CEP85L: variants seen among roughly 807,000 people sequenced by gnomAD.
CEP85L encodes centrosomal protein 85L.
A neutral mutation model predicts 100.3 loss-of-function variants in CEP85L; 60 were observed. The ratio of observed to expected loss-of-function variants is 0.60; its 90% CI spans 0.49 to 0.74. CEP85L has a LOEUF of 0.74. CEP85L is among the 30% of genes least tolerant of loss of function. The pLI is 0.00. For synonymous variants in CEP85L, 319 were observed against 322.7 expected, an observed-to-expected ratio of 0.99 and a Z score of 0.12; for missense variants, 973 against 936.2, an observed-to-expected ratio of 1.04 and a Z score of -0.51.
rs1781693592 is a variant in CEP85L, at chr6:118,600,303, GTGTGTGTGTGTGTGTGTGTGT to G, written c.232+32129_232+32149del. On this transcript the variant is annotated intron_variant, in intron 2 of 12. Transcript: ENST00000368491. ...CCTGTCCCTGAGCCTTCCTGGGGGT[GTGTGTGTGTGTGTGTGTGTGT>G]GTGTGTGTGTGTGTGTGTGTGTGTG... Among the ~76,000 whole-genome samples the G allele has an allele frequency of 1.1e-3, 38 of 33,996 alleles. 7 individuals are homozygous for G. The highest frequency in any genetic ancestry group is 1.9e-3 in the Non-Finnish European group (29 of 15,434). 22.3% of individuals were successfully genotyped at this position (33,996 alleles called of 152,430 possible).
chr6:118,485,125 TA>T (rs1191018648), intron 6 of CEP85L, among the ~76,000 whole-genome samples: 9 of 152,156 alleles, frequency 5.9e-5, no homozygotes, highest in Non-Finnish European at 1.3e-4. Context: ...CTACATGAAA[TA>T]TATCATCTAT....
intron 2 of CEP85L, among the ~76,000 whole-genome samples, chr6:118,629,636 T>C (rs981969991): frequency 1.3e-5 from 2 of 152,112 alleles, no homozygotes; most frequent in African/African-American, 4.8e-5. Context: ...AAACTAAATA[T>C]ACAAAATTAA....
In CEP85L at chr6:118,460,853, T is replaced by C. The variant is rs1390001721; in HGVS notation, c.*4552A>G. ...TAGTCCAGTGGAAAAATACTAGCCATTAACATTGAAAACTTTTTTCTTAAT... is the reference window on the plus strand; with the variant it reads ...TAGTCCAGTGGAAAAATACTAGCCACTAACATTGAAAACTTTTTTCTTAAT... On this transcript the variant is annotated 3_prime_UTR_variant, in exon 13 of 13. Transcript: ENST00000368491. The C allele has an allele frequency of 6.6e-6, 1 of 152,180 alleles. No homozygotes were observed. Among genetic ancestry groups the C allele is most frequent in the Non-Finnish European group, 1.5e-5 (1 of 68,018 alleles). 9.4% of individuals were successfully genotyped at this position (152,180 alleles called of 1,614,324 possible). A position where few individuals can be genotyped will look rare whatever the true frequency, so the allele number is the denominator to read the frequency against.
rs553909858 is a variant in CEP85L, at chr6:118,484,632, A to C, written c.1438-774T>G. The stretch of plus-strand genomic sequence containing the variant: ...TTATTGGGTGCCCAGACAGGCACAG[A>C]AAAAAAGCCTTTGAAATCAGTGAAG... On this transcript the variant is annotated intron_variant, in intron 6 of 12. Transcript: ENST00000368491. Among the ~76,000 whole-genome samples the C allele has an allele frequency of 7.2e-5, 11 of 152,326 alleles. No homozygotes were observed. The South Asian group carries it at 2.1e-3, about 29-fold the overall frequency.
At chr6:118,494,189 G>C (rs1340401934) in intron 5 of CEP85L, among the ~76,000 whole-genome samples, 1 of 152,112 alleles carries the variant, frequency 6.6e-6, no homozygotes, top group Non-Finnish European at 1.5e-5. Context: ...ACTTGGAGTA[G>C]ATAAATCTGA....
chr6:118,501,308 T>C (rs1582922473), intron 5 of CEP85L: 1 of 364,736 alleles, frequency 2.7e-6, no homozygotes, highest in Non-Finnish European at 5.3e-6. Flanking sequence ...CCAGGCGAGG[T>C]GGAGGACAGG....
At chr6:118,663,150 C>T in intron 1 of CEP85L, among the ~76,000 whole-genome samples, 1 of 151,926 alleles carries the variant, frequency 6.6e-6, no homozygotes, top group East Asian at 1.9e-4. Flanking sequence ...AACCGATATA[C>T]ACTTCTAATA....
intron 1 of CEP85L, among the ~76,000 whole-genome samples, chr6:118,694,047 C>T (rs956643644): frequency 6.6e-6 from 1 of 152,136 alleles, no homozygotes; most frequent in Non-Finnish European, 1.5e-5. Flanking sequence ...GGGAAAAAAA[C>T]CCATAAAAAC....
chr6:118,465,385 G>C lies in CEP85L; in HGVS notation c.*20C>G. ...AGCATTTAAACAACAGGTCATTATTGCTGTGGGACTAACACTTGATCACTG... is the reference window on the plus strand; with the variant it reads ...AGCATTTAAACAACAGGTCATTATTCCTGTGGGACTAACACTTGATCACTG... On this transcript the variant is annotated 3_prime_UTR_variant, in exon 13 of 13. Coordinates refer to ENST00000368491, the MANE Select transcript of CEP85L (RefSeq NM_001042475.3). The C allele has an allele frequency of 6.2e-7, 1 of 1,608,236 alleles. No homozygotes were observed. Among genetic ancestry groups the C allele is most frequent in the Non-Finnish European group, 8.5e-7 (1 of 1,176,456 alleles).
Position 118,483,725 on chromosome 6 carries a change from A to ACATC in CEP85L, c.1567_1570dup (p.Val524GlyfsTer17). The ACATC allele has an allele frequency of 6.2e-7, 1 of 1,613,488 alleles. No individual in the cohort carries two copies. Among genetic ancestry groups the ACATC allele is most frequent in the South Asian group, 1.1e-5 (1 of 90,998 alleles). Reference sequence around the variant, plus strand: ...TGTTACCTGTAGACTCTGACTCTGTACATCATCTAGAGTTGGAAGATCAGC... The same window carrying ACATC: ...TGTTACCTGTAGACTCTGACTCTGTACATCCATCATCTAGAGTTGGAAGATCAGC... On this transcript the variant is annotated frameshift_variant, in exon 7 of 13. Coordinates refer to ENST00000368491, the MANE Select transcript of CEP85L (RefSeq NM_001042475.3). LOFTEE classifies it high-confidence loss of function.
At chr6:118,707,131 C>T (rs1777615323) in intron 1 of CEP85L, among the ~76,000 whole-genome samples, 1 of 152,126 alleles carries the variant, frequency 6.6e-6, no homozygotes, top group Non-Finnish European at 1.5e-5. Context: ...AAGTACTGGT[C>T]CCTCCAGGCT....
At chr6:118,611,855 A>C (rs2115230902) in intron 2 of CEP85L, among the ~76,000 whole-genome samples, 1 of 152,210 alleles carries the variant, frequency 6.6e-6, no homozygotes, top group African/African-American at 2.4e-5. Flanking sequence ...TATATAAAGC[A>C]AAAACACAGA....
chr6:118,581,212 T>G (rs1311915908), intron 2 of CEP85L, among the ~76,000 whole-genome samples: 7 of 152,188 alleles, frequency 4.6e-5, no homozygotes, highest in Non-Finnish European at 7.3e-5. Context: ...AAACAGCCAT[T>G]TGGTTCCTAC....
chr6:118,594,108 CT>C (rs543938806), intron 2 of CEP85L, among the ~76,000 whole-genome samples: 328 of 152,312 alleles, frequency 2.2e-3, no homozygotes, highest in African/African-American at 7.6e-3. Context: ...CTCCTCTAGA[CT>C]TCATATATAC....
intron 2 of CEP85L, among the ~76,000 whole-genome samples, chr6:118,605,666 A>C (rs1440276224): frequency 6.6e-6 from 1 of 152,056 alleles, no homozygotes; most frequent in East Asian, 1.9e-4. Flanking sequence ...TGTTTTTCCC[A>C]AGGGGTCTTA....
chr6:118,651,745 C>T (rs546616629), upstream of CEP85L: 805 of 987,124 alleles, frequency 8.2e-4, 3 homozygotes, highest in African/African-American at 0.013. Flanking sequence ...GACCCCGCTT[C>T]GCCTCCTTGG....
chr6:118,651,679 CGCGCGGGGCG>C (rs1775575369), upstream of CEP85L: 1 of 922,100 alleles, frequency 1.1e-6, no homozygotes, highest in African/African-American at 2.0e-5. Flanking sequence ...TGCGCGGCGC[CGCGCGGGGCG>C]GGGACTGCGG....
At chr6:118,506,372 C>T (rs1005743309) in intron 5 of CEP85L, among the ~76,000 whole-genome samples, 2 of 152,220 alleles carry the variant, frequency 1.3e-5, no homozygotes, top group Non-Finnish European at 2.9e-5. Flanking sequence ...TGATATAGGG[C>T]TTGCCGTGCA....
In CEP85L at chr6:118,481,873, T is replaced by G; in HGVS notation, c.1651A>C (p.Lys551Gln). ...LQEALIDTEK[K>Q]LEEIKKQCQD... ...CACTGCTTTTTGATCTCTTCAAGTTTTTTTTCTGTATCTATCAAAGCCTCT... is the reference window on the plus strand; with the variant it reads ...CACTGCTTTTTGATCTCTTCAAGTTGTTTTTCTGTATCTATCAAAGCCTCT... The change falls in exon 8 of 13, where the codon AAA becomes CAA. Residue 551 changes from lysine (K) to glutamine (Q), a missense_variant. Lys to Gln is a moderately conservative substitution (Grantham distance 53). This residue lies in a region of CEP85L where 890 missense variants were observed against 844.5 expected (regional missense o/e 1.05). Transcript: ENST00000368491. The G allele has an allele frequency of 6.3e-7, 1 of 1,593,184 alleles. No individual in the cohort carries two copies. Among genetic ancestry groups the G allele is most frequent in the African/African-American group, 1.3e-5 (1 of 74,192 alleles).
Sources: allele counts gnomAD v4.1 joint callset (sites outside exome capture counted in the v4.1 genomes callset), GRCh38; gene constraint gnomAD v4.1.1; regional missense constraint gnomAD v4.1.1; transcripts MANE v1.5; gene names NCBI Gene and HGNC (gene_info 2026-07-23, HGNC 2026-07-21).